The following RUSC2 variants were observed in gnomAD, a reference collection of about 807,000 sequenced individuals.
RUSC2 encodes the protein RUN and SH3 domain containing 2.
In RUSC2, 34 loss-of-function variants were observed where a neutral mutation model predicts 122.2. The ratio of observed to expected loss-of-function variants is 0.28; its 90% CI spans 0.21 to 0.37. The LOEUF is 0.37. Among genes scored for constraint, RUSC2 ranks in the 10% least tolerant of loss-of-function variants. The pLI, the probability that RUSC2 is intolerant of heterozygous loss-of-function variation, is 1.00. For synonymous variants in RUSC2, 784 were observed against 790.0 expected (o/e 0.99, Z 0.13); for missense variants, 1,747 against 1,952.4 (o/e 0.89, Z 1.98).
chr9:35,512,021 A>C (rs1587841311), intron 1 of RUSC2, among the ~76,000 whole-genome samples: 1 of 152,292 alleles, frequency 6.6e-6, no homozygotes, highest in East Asian at 1.9e-4. Context: ...TCTACTAAAA[A>C]ATACAAAAGA....
At position 35,530,029 on chromosome 9, in the gene RUSC2, G is replaced by A. The variant is rs145818215; in HGVS notation, c.-92-16401G>A. ...GGCAGTGGCACAATCTCCACTCACC[G>A]CAACCTCTGCTTCCCGGCCTCAAGC... On this transcript the variant is annotated intron_variant, in intron 1 of 11. Transcript: ENST00000361226. 3.9e-4 allele frequency among the ~76,000 whole-genome samples: 59 copies of A among 152,198 alleles called. No individual in the cohort carries two copies. In the East Asian group the frequency reaches 9.6e-3, roughly 25 times the overall value.
In RUSC2 at chr9:35,536,003, G is replaced by A. The variant is rs1282043416; in HGVS notation, c.-92-10427G>A. Among the ~76,000 whole-genome samples the A allele has an allele frequency of 5.3e-5, 8 of 152,246 alleles. No homozygotes were observed. The East Asian group carries it at 9.6e-4, about 18-fold the overall frequency. ...GAGATGTACAGATGACTATAACTCCGACTTTGCAGTCTAGAAGAGATGTTA... is the reference window on the plus strand; with the variant it reads ...GAGATGTACAGATGACTATAACTCCAACTTTGCAGTCTAGAAGAGATGTTA... On this transcript the variant is annotated intron_variant, in intron 1 of 11. Coordinates refer to ENST00000361226, the MANE Select transcript of RUSC2 (RefSeq NM_014806.5).
rs904613761 is a variant in RUSC2 at position 35,499,155 on chromosome 9, C to A, written c.-93+8983C>A. On this transcript the variant is annotated intron_variant, in intron 1 of 11. Transcript: ENST00000361226. ...TACAAAAATTAGCCAAGCGTGGTGG[C>A]ATGCACATGTAATCCCAGCTACTTG... 2.0e-5 allele frequency among the ~76,000 whole-genome samples: 3 copies of A among 151,636 alleles called. No individual in the cohort carries two copies. In the South Asian group the frequency reaches 6.3e-4, roughly 32 times the overall value.
chr9:35,525,036 T>A (rs1156888675), intron 1 of RUSC2, among the ~76,000 whole-genome samples: 1 of 151,596 alleles, frequency 6.6e-6, no homozygotes, highest in Non-Finnish European at 1.5e-5. Flanking sequence ...TTAAAAACAC[T>A]GGAGGTTCTG....
At chr9:35,544,369 A>G (rs906676331) in intron 1 of RUSC2, among the ~76,000 whole-genome samples, 1 of 133,652 alleles carries the variant, frequency 7.5e-6, no homozygotes, top group Non-Finnish European at 1.5e-5. Context: ...GTGCTGTGGC[A>G]TGATCTCAGC....
intron 1 of RUSC2, among the ~76,000 whole-genome samples, chr9:35,536,842 C>T (rs371962802): frequency 7.4e-5 from 11 of 148,152 alleles, no homozygotes; most frequent in African/African-American, 1.7e-4. Context: ...AATAGACAGC[C>T]GAGATGGATG....
intron 1 of RUSC2, among the ~76,000 whole-genome samples, chr9:35,516,020 A>G (rs779906091): frequency 3.5e-5 from 5 of 143,838 alleles, no homozygotes; most frequent in Admixed American, 7.0e-5. Context: ...AAAAAAAAAA[A>G]AAAGAGAAAT....
intron 1 of RUSC2, among the ~76,000 whole-genome samples, chr9:35,496,104 A>G (rs1186105870): frequency 6.6e-6 from 1 of 152,176 alleles, no homozygotes; most frequent in African/African-American, 2.4e-5. Flanking sequence ...TCAGTGGTTG[A>G]GTAAGCAGTG....
In RUSC2 at chr9:35,523,517, A is replaced by T. The variant is rs549304116; in HGVS notation, c.-92-22913A>T. Among the ~76,000 whole-genome samples the T allele has an allele frequency of 7.9e-5, 12 of 152,336 alleles. No homozygotes were observed. In the South Asian group the frequency reaches 2.5e-3, roughly 32 times the overall value. The stretch of plus-strand genomic sequence containing the variant: ...CAGCAATAAAGGTCTTCACAATGAA[A>T]AAAAAAGCCAAATAGTGGCTGGGCG... On this transcript the variant is annotated intron_variant, in intron 1 of 11. Coordinates refer to ENST00000361226, the MANE Select transcript of RUSC2 (RefSeq NM_014806.5).
intron 5 of RUSC2, 82 bp downstream of exon 5, chr9:35,556,530 A>ACCTCGAAGTGCTGGCTGGGC: frequency 7.5e-7 from 1 of 1,327,958 alleles, no homozygotes; most frequent in Admixed American, 2.1e-5. Context: ...CCAGTCTGAA[A>ACCTCGAAGTGCTGGCTGGGC]CCTCTAAGTG....
chr9:35,561,511 C>A lies in RUSC2; in HGVS notation c.*129C>A. ...CTGGGGCCACGTATCCCTGTGCTGG[C>A]ACCTGCTCCCTGTGCTCAGTATTAA... On this transcript the variant is annotated 3_prime_UTR_variant, in exon 12 of 12. Coordinates refer to ENST00000361226, the MANE Select transcript of RUSC2 (RefSeq NM_014806.5). 1.4e-6 allele frequency: 1 copy of A among 720,298 alleles called. No individual in the cohort carries two copies. The highest frequency in any genetic ancestry group is 2.3e-6 in the Non-Finnish European group (1 of 433,416). 44.6% of individuals were successfully genotyped at this position (720,298 alleles called of 1,614,324 possible). A position where few individuals can be genotyped will look rare whatever the true frequency, so the allele number is the denominator to read the frequency against.
At chr9:35,501,655 G>A (rs1163484923) in intron 1 of RUSC2, among the ~76,000 whole-genome samples, 3 of 152,166 alleles carry the variant, frequency 2.0e-5, no homozygotes, top group Non-Finnish European at 2.9e-5. Flanking sequence ...ATAAATGGTT[G>A]GGTTTGGGAT....
At position 35,536,174 on chromosome 9, in the gene RUSC2, AATG is replaced by A. The variant is rs541479850; in HGVS notation, c.-92-10250_-92-10248del. ...AAGTACAGTATGCTTTTTCTTATAA[AATG>A]ATGATCATCAAAGTAAAGTTTTTTG... On this transcript the variant is annotated intron_variant, in intron 1 of 11. Coordinates refer to ENST00000361226, the MANE Select transcript of RUSC2 (RefSeq NM_014806.5). 5.3e-4 allele frequency among the ~76,000 whole-genome samples: 52 copies of A among 98,642 alleles called. No homozygotes were observed. In the South Asian group the frequency reaches 0.014, roughly 26 times the overall value. 64.7% of individuals were successfully genotyped at this position (98,642 alleles called of 152,430 possible).
intron 1 of RUSC2, among the ~76,000 whole-genome samples, chr9:35,502,122 G>A (rs2132495144): frequency 6.6e-6 from 1 of 152,258 alleles, no homozygotes; most frequent in East Asian, 1.9e-4. Context: ...TTCTGATTCA[G>A]TACATCTGGC....
intron 1 of RUSC2, among the ~76,000 whole-genome samples, chr9:35,519,631 T>C (rs1050293707): frequency 6.6e-6 from 1 of 152,162 alleles, no homozygotes; most frequent in Non-Finnish European, 1.5e-5. Context: ...TTTGGCTCTT[T>C]TAAAGAGATT....
chr9:35,523,199 G>T (rs1296710218), intron 1 of RUSC2, among the ~76,000 whole-genome samples: 3 of 152,106 alleles, frequency 2.0e-5, no homozygotes, highest in Non-Finnish European at 4.4e-5. Flanking sequence ...TGTGAGGGTG[G>T]CTTTGTTTTT....
chr9:35,535,631 T>C (rs1821509614), intron 1 of RUSC2, among the ~76,000 whole-genome samples: 1 of 150,624 alleles, frequency 6.6e-6, no homozygotes, highest in Admixed American at 6.6e-5. Context: ...CTCTGCCTCC[T>C]GGGTTCACGC....
chr9:35,555,372 C>G lies in RUSC2; in HGVS notation c.2327C>G (p.Pro776Arg). The stretch of plus-strand genomic sequence containing the variant: ...GAGCCAGAGACCTCTCGGCCATCGC[C>G]CCTGGGCAGCTACTCCCCCATCCGG... ...GSEPETSRPS[P>R]LGSYSPIRSV... Residue 776 changes from proline to arginine, a missense_variant, in exon 3 of 12, where the codon CCC (proline) becomes CGC (arginine). Pro to Arg is a moderately radical substitution (Grantham distance 103, BLOSUM62 -2). Transcript: ENST00000361226. The surrounding 1 kb of genome is among the most constrained non-coding windows in gnomAD (Gnocchi z 4.6). The G allele has an allele frequency of 6.2e-7, 1 of 1,614,242 alleles. No individual in the cohort carries two copies. Among genetic ancestry groups the G allele is most frequent in the Non-Finnish European group, 8.5e-7 (1 of 1,180,042 alleles).
chr9:35,493,024 A>G (rs1176164130), intron 1 of RUSC2, among the ~76,000 whole-genome samples: 2 of 151,728 alleles, frequency 1.3e-5, no homozygotes, highest in Admixed American at 6.6e-5. Flanking sequence ...AGGGGTACAT[A>G]TGAGGGTTTG....
Sources: allele counts gnomAD v4.1 joint callset (sites outside exome capture counted in the v4.1 genomes callset), GRCh38; gene constraint gnomAD v4.1.1; non-coding constraint Gnocchi (gnomAD v3.1); transcripts MANE v1.5; gene names NCBI Gene and HGNC (gene_info 2026-07-23, HGNC 2026-07-21).